The following CDK19 variants were observed in gnomAD, a reference collection of about 807,000 sequenced individuals.
CDK19 encodes cyclin dependent kinase 19.
In CDK19, 20 loss-of-function variants were observed where a neutral mutation model predicts 68.3. The observed-to-expected ratio is 0.29, with a 90% CI of 0.21 to 0.43. The LOEUF (loss-of-function observed/expected upper bound fraction) is 0.43, where lower values mean the gene tolerates loss of function less well. Ranked by LOEUF, CDK19 falls within the 20% of genes least tolerant of loss-of-function variation. The pLI is 1.00. For missense variants in CDK19, 339 were observed against 623.5 expected (o/e 0.54, Z 4.86); for synonymous variants, 221 against 222.8 (o/e 0.99, Z 0.07).
chr6:110,663,797 C>G (rs1417421734), intron 4 of CDK19, among the ~76,000 whole-genome samples: 1 of 152,122 alleles, frequency 6.6e-6, no homozygotes, highest in African/African-American at 2.4e-5. Context: ...TCCGAACATG[C>G]TGAAATTACA....
chr6:110,666,424 CAAAAAAAAAAAAAAAAA>C (rs57791161), intron 4 of CDK19, among the ~76,000 whole-genome samples: 511 of 47,968 alleles, frequency 0.011, 10 homozygotes, highest in African/African-American at 0.032. Flanking sequence ...GACTCTGTCT[CAAAAAAAAAAAAAAAAA>C]AAAAAAAAAA....
chr6:110,719,718 G>A (rs539083050), intron 2 of CDK19, among the ~76,000 whole-genome samples: 7 of 151,992 alleles, frequency 4.6e-5, no homozygotes, highest in Non-Finnish European at 8.8e-5. Context: ...AGAATAGTAA[G>A]CAGTATGGTT....
intron 5 of CDK19, among the ~76,000 whole-genome samples, chr6:110,637,832 A>T (rs992805706): frequency 5.3e-5 from 8 of 152,176 alleles, no homozygotes; most frequent in Admixed American, 3.3e-4. Context: ...ACACAAAAAA[A>T]TTAGCCAGGC....
At chr6:110,775,199 C>T (rs760998925) in intron 1 of CDK19, among the ~76,000 whole-genome samples, 71 of 152,100 alleles carry the variant, frequency 4.7e-4, no homozygotes, top group Non-Finnish European at 9.1e-4. Context: ...GAGCCAAGAT[C>T]ACACCACTGC....
intron 1 of CDK19, among the ~76,000 whole-genome samples, chr6:110,761,089 G>C (rs1229632946): frequency 6.6e-6 from 1 of 152,070 alleles, no homozygotes; most frequent in Non-Finnish European, 1.5e-5. Context: ...CACAGGTAAG[G>C]ATTTTAAGCA....
At chr6:110,688,325 A>C (rs1772669174) in intron 2 of CDK19, among the ~76,000 whole-genome samples, 1 of 148,788 alleles carries the variant, frequency 6.7e-6, no homozygotes, top group Non-Finnish European at 1.5e-5. Flanking sequence ...CCATGTCCAA[A>C]AAAACAAAAA....
chr6:110,721,865 G>A (rs993431820), intron 2 of CDK19, among the ~76,000 whole-genome samples: 10 of 152,140 alleles, frequency 6.6e-5, no homozygotes, highest in Admixed American at 1.3e-4. Flanking sequence ...TCGGGAGGCC[G>A]AGGCCGGAGA....
chr6:110,810,512 C>T (rs9320347), intron 1 of CDK19, among the ~76,000 whole-genome samples: 3 of 152,020 alleles, frequency 2.0e-5, no homozygotes, highest in Non-Finnish European at 2.9e-5. Flanking sequence ...AGGTGGCTCA[C>T]GCCTATAATC....
rs982937091 is a variant in CDK19 at position 110,614,420 on chromosome 6, A to G, written c.*115T>C. 1.4e-5 allele frequency: 13 copies of G among 902,944 alleles called. No individual in the cohort carries two copies. The highest frequency in any genetic ancestry group is 2.2e-5 in the Non-Finnish European group (13 of 595,980). The allele number at this position is 902,944 out of a possible 1,614,324, so 55.9% of individuals were successfully genotyped here. A position where few individuals can be genotyped will look rare whatever the true frequency, so the allele number is the denominator to read the frequency against. Reference sequence around the variant, plus strand: ...GCTCAGTATATAAGGTTTTCCTCCCATGTGTATGAGTTTTAAATGGCATCA... The same window carrying G: ...GCTCAGTATATAAGGTTTTCCTCCCGTGTGTATGAGTTTTAAATGGCATCA... On this transcript the variant is annotated 3_prime_UTR_variant, in exon 13 of 13. Coordinates refer to ENST00000368911, the MANE Select transcript of CDK19 (RefSeq NM_015076.5).
intron 6 of CDK19, among the ~76,000 whole-genome samples, chr6:110,629,034 C>T (rs1270186510): frequency 6.6e-6 from 1 of 152,118 alleles, no homozygotes; most frequent in African/African-American, 2.4e-5. Flanking sequence ...TCACTCTTCC[C>T]CCGATATGGC....
intron 2 of CDK19, among the ~76,000 whole-genome samples, chr6:110,725,564 G>C (rs1776259968): frequency 1.3e-5 from 2 of 152,144 alleles, no homozygotes; most frequent in South Asian, 4.1e-4. Context: ...CAGAGAGAGA[G>C]AGAGAGAAAC....
intron 1 of CDK19, among the ~76,000 whole-genome samples, chr6:110,752,216 T>G (rs1439949544): frequency 6.6e-6 from 1 of 151,732 alleles, no homozygotes; most frequent in Admixed American, 6.6e-5. Context: ...ATGATGAAAT[T>G]TTTCAAAAAT....
At chr6:110,692,734 C>T (rs767346946) in intron 2 of CDK19, among the ~76,000 whole-genome samples, 2 of 152,150 alleles carry the variant, frequency 1.3e-5, no homozygotes, top group African/African-American at 2.4e-5. Flanking sequence ...CAGTGGCTCA[C>T]GCCTGTAATC....
intron 2 of CDK19, among the ~76,000 whole-genome samples, chr6:110,674,266 T>C (rs536444481): frequency 2.8e-4 from 42 of 152,298 alleles, no homozygotes; most frequent in South Asian, 6.2e-4. Context: ...GGCCTCTCTA[T>C]TGTCTGAGAA....
chr6:110,682,865 T>C (rs1393427040), intron 2 of CDK19, among the ~76,000 whole-genome samples: 2 of 152,064 alleles, frequency 1.3e-5, no homozygotes. Flanking sequence ...AATAAATTAA[T>C]ATAAATAGAT....
intron 3 of CDK19, among the ~76,000 whole-genome samples, chr6:110,668,106 G>A (rs1343851986): frequency 1.3e-5 from 2 of 152,004 alleles, no homozygotes; most frequent in Admixed American, 1.3e-4. Flanking sequence ...TAGGAAATTC[G>A]ATCCCATTGA....
At chr6:110,785,535 G>A (rs1781146535) in intron 1 of CDK19, among the ~76,000 whole-genome samples, 1 of 152,146 alleles carries the variant, frequency 6.6e-6, no homozygotes, top group African/African-American at 2.4e-5. Context: ...TAGTAGAAGT[G>A]GATCATCGTA....
chr6:110,675,639 A>AAAG (rs2114480847), intron 2 of CDK19, among the ~76,000 whole-genome samples: 1 of 151,892 alleles, frequency 6.6e-6, no homozygotes, highest in East Asian at 1.9e-4. Flanking sequence ...AAAAAAAAAA[A>AAAG]AAAAAAAAAA....
intron 2 of CDK19, among the ~76,000 whole-genome samples, chr6:110,744,657 A>G (rs1777947846): frequency 6.6e-6 from 1 of 152,248 alleles, no homozygotes; most frequent in South Asian, 2.1e-4. Context: ...TATGTCAGAC[A>G]CTATGGTAGG....
Sources: gnomAD v4.1 joint callset for allele counts (sites outside exome capture counted in the v4.1 genomes callset) on GRCh38, gnomAD v4.1.1 for gene constraint, MANE v1.5 for transcripts, NCBI Gene and HGNC (gene_info 2026-07-23, HGNC 2026-07-21) for gene names.